NOS1: variants seen among roughly 807,000 people sequenced by gnomAD.
The protein encoded by NOS1 is nitric oxide synthase 1, also known as NOS type I.
A neutral mutation model predicts 164.5 loss-of-function variants in NOS1; 51 were observed. The observed-to-expected ratio is 0.31, with a 90% CI of 0.25 to 0.39. The LOEUF is 0.39. Among genes scored for constraint, NOS1 ranks in the 10% least tolerant of loss-of-function variants. The pLI is 1.00. For missense variants in NOS1, 1,362 were observed against 1,885.6 expected, an observed-to-expected ratio of 0.72 and a Z score of 5.14; for synonymous variants, 719 against 745.8, an observed-to-expected ratio of 0.96 and a Z score of 0.59.
rs191244395 is a variant in NOS1, at chr12:117,357,593, A to G, written c.-421+3919T>C. ...GCCTCTTCTGGGCCTCAGTTTCCCA[A>G]TTTGTACAACGAGGGTGACAGACAA... is the stretch of plus-strand genomic sequence containing the variant. On this transcript the variant is annotated intron_variant, in intron 1 of 28. Transcript: ENST00000317775. Among the ~76,000 whole-genome samples, 852 of 152,212 alleles carry G rather than the reference A, an allele frequency of 5.6e-3. 8 individuals carry two copies. Among genetic ancestry groups the G allele is most frequent in the African/African-American group, 0.019 (807 of 41,530 alleles).
intron 1 of NOS1, among the ~76,000 whole-genome samples, chr12:117,340,231 C>T (rs868016908): frequency 1.3e-5 from 2 of 152,064 alleles, no homozygotes; most frequent in Admixed American, 1.3e-4. Context: ...CTCAAACTCC[C>T]GGCCTCAAGC....
chr12:117,329,374 T>C (rs765548862), intron 2 of NOS1, among the ~76,000 whole-genome samples: 3 of 152,196 alleles, frequency 2.0e-5, no homozygotes, highest in Non-Finnish European at 4.4e-5. Flanking sequence ...GATCTCTAAG[T>C]GCTCTGAGGA....
At chr12:117,303,770 G>A (rs1307913714) in intron 3 of NOS1, among the ~76,000 whole-genome samples, 1 of 152,188 alleles carries the variant, frequency 6.6e-6, no homozygotes, top group East Asian at 1.9e-4. Flanking sequence ...AAGGCAAGAA[G>A]GGCTTGATTT....
Position 117,215,231 on chromosome 12 carries a change from A to G in NOS1, c.*78T>C, listed in dbSNP as rs1441579693. ...GGACAGGAGGCAGAGCGAGGGCCACAGGGGGTCCCAGAGGAAAGGTTCAGC... is the reference window on the plus strand; with the variant it reads ...GGACAGGAGGCAGAGCGAGGGCCACGGGGGGTCCCAGAGGAAAGGTTCAGC... On this transcript the variant is annotated 3_prime_UTR_variant, in exon 29 of 29. Coordinates refer to ENST00000317775, the MANE Select transcript of NOS1 (RefSeq NM_000620.5). The G allele has an allele frequency of 1.4e-6, 2 of 1,421,660 alleles. No individual in the cohort carries two copies. Among genetic ancestry groups the G allele is most frequent in the East Asian group, 5.1e-5 (2 of 39,180 alleles). The allele number at this position is 1,421,660 out of a possible 1,614,324, so 88.1% of individuals were successfully genotyped here.
In NOS1 at chr12:117,213,910, G is replaced by A; in HGVS notation, c.*1399C>T. 1.0e-6 allele frequency: 1 copy of A among 985,410 alleles called. No individual in the cohort carries two copies. Among genetic ancestry groups the A allele is most frequent in the Non-Finnish European group, 1.2e-6 (1 of 829,932 alleles). 61.0% of individuals were successfully genotyped at this position (985,410 alleles called of 1,614,324 possible). On this transcript the variant is annotated 3_prime_UTR_variant, in exon 29 of 29. Transcript: ENST00000317775. ...TAAATTCAACAGGTTGCCTCTTAGGGAGGAATTACACCGGCTCCAATTCCT... is the reference window on the plus strand; with the variant it reads ...TAAATTCAACAGGTTGCCTCTTAGGAAGGAATTACACCGGCTCCAATTCCT...
At chr12:117,351,041 G>A (rs1876591613) in intron 1 of NOS1, among the ~76,000 whole-genome samples, 2 of 152,174 alleles carry the variant, frequency 1.3e-5, no homozygotes, top group South Asian at 2.1e-4. Flanking sequence ...GTGAACCCGG[G>A]AGGCGGAGCT....
Position 117,243,818 on chromosome 12 carries a change from A to G in NOS1, c.2824-383T>C, listed in dbSNP as rs903431812. 6.7e-6 allele frequency among the ~76,000 whole-genome samples: 1 copy of G among 148,274 alleles called. No homozygotes were observed. The highest frequency in any genetic ancestry group is 2.5e-5 in the African/African-American group (1 of 39,744). ...CATCCATCCTTCCCTCCATCTACCC[A>G]CCCACTCATCCATCTTTCCATGCAT... is the stretch of plus-strand genomic sequence containing the variant. On this transcript the variant is annotated intron_variant, in intron 18 of 28. Transcript: ENST00000317775. The surrounding 1 kb of genome is among the most constrained non-coding windows in gnomAD (Gnocchi z 4.3).
intron 21 of NOS1, among the ~76,000 whole-genome samples, chr12:117,233,680 C>T (rs760519973): frequency 1.2e-4 from 18 of 151,680 alleles, no homozygotes; most frequent in South Asian, 2.1e-4. Context: ...TGGTGGCACG[C>T]GCCTGTAATC....
chr12:117,333,869 C>T (rs992883781), intron 1 of NOS1, among the ~76,000 whole-genome samples: 1 of 152,154 alleles, frequency 6.6e-6, no homozygotes, highest in Non-Finnish European at 1.5e-5. Context: ...AGCCCCATGT[C>T]CTGCAGGTAC....
chr12:117,228,228 G>A (rs577557234), intron 22 of NOS1, among the ~76,000 whole-genome samples: 1 of 152,298 alleles, frequency 6.6e-6, no homozygotes, highest in South Asian at 2.1e-4. Flanking sequence ...AGGTATTACT[G>A]TTTCCCCATT....
At chr12:117,248,532 T>G (rs1454455312) in intron 17 of NOS1, among the ~76,000 whole-genome samples, 7 of 151,536 alleles carry the variant, frequency 4.6e-5, no homozygotes, top group Admixed American at 2.6e-4. Context: ...GAACTCATCA[T>G]TTTTTATGGC....
chr12:117,268,259 C>A lies in NOS1; in HGVS notation c.1840-115G>T. On this transcript the variant is annotated intron_variant, in intron 10 of 28. Coordinates refer to ENST00000317775, the MANE Select transcript of NOS1 (RefSeq NM_000620.5). ...TCTTTTCTTTTTTTTTAAATGGACT[C>A]TCGCTCTGTCGCACAGGCTGGAGTG... 5.5e-6 allele frequency: 4 copies of A among 722,630 alleles called. No homozygotes were observed. The South Asian group carries it at 6.2e-5, about 11-fold the overall frequency. 44.8% of individuals were successfully genotyped at this position (722,630 alleles called of 1,614,324 possible).
At chr12:117,316,357 A>G (rs1874666551) in intron 2 of NOS1, among the ~76,000 whole-genome samples, 1 of 151,970 alleles carries the variant, frequency 6.6e-6, no homozygotes, top group African/African-American at 2.4e-5. Context: ...CCTACCTCCT[A>G]TCATTCTTGG....
chr12:117,352,283 C>T (rs1378472182), intron 1 of NOS1, among the ~76,000 whole-genome samples: 1 of 152,148 alleles, frequency 6.6e-6, no homozygotes, highest in Non-Finnish European at 1.5e-5. Context: ...GAGGCGTGGG[C>T]CTGGGGGAAA....
chr12:117,311,717 A>G, intron 2 of NOS1, 125 bp from the exon 3 acceptor site: 1 of 1,070,522 alleles, frequency 9.3e-7, no homozygotes, highest in East Asian at 2.7e-5. Context: ...CATATGAGCC[A>G]GCGAGCTTTG....
chr12:117,212,133 G>A lies in NOS1; in HGVS notation c.*3176C>T, dbSNP rs1374879497. ...TTTTGCTTATCTCTGCAAACTGCCCGGTGCCTTCCACACACTGGAGAAGCA... is the reference window on the plus strand; with the variant it reads ...TTTTGCTTATCTCTGCAAACTGCCCAGTGCCTTCCACACACTGGAGAAGCA... On this transcript the variant is annotated 3_prime_UTR_variant, in exon 29 of 29. Coordinates refer to ENST00000317775, the MANE Select transcript of NOS1 (RefSeq NM_000620.5). The A allele has an allele frequency of 5.1e-6, 5 of 985,128 alleles. No homozygotes were observed. Among genetic ancestry groups the A allele is most frequent in the Non-Finnish European group, 2.4e-6 (2 of 829,920 alleles). The allele number at this position is 985,128 out of a possible 1,614,324, so 61.0% of individuals were successfully genotyped here. A position where few individuals can be genotyped will look rare whatever the true frequency, so the allele number is the denominator to read the frequency against.
Position 117,234,361 on chromosome 12 carries a change from C to A in NOS1, c.3235+204G>T, listed in dbSNP as rs2135943162. On this transcript the variant is annotated intron_variant, in intron 21 of 28. Coordinates refer to ENST00000317775, the MANE Select transcript of NOS1 (RefSeq NM_000620.5). The surrounding 1 kb of genome is among the most constrained non-coding windows in gnomAD (Gnocchi z 4.3). ...ATGGTGAGCCATCAATGGCCTGGCA[C>A]TATGTGCATTTATTTGCTCAGCTGG... Among the ~76,000 whole-genome samples the A allele has an allele frequency of 6.6e-6, 1 of 152,292 alleles. No homozygotes were observed. Among genetic ancestry groups the A allele is most frequent in the East Asian group, 1.9e-4 (1 of 5,186 alleles).
At chr12:117,237,677 G>GA (rs11411313) in intron 20 of NOS1, among the ~76,000 whole-genome samples, 17,603 of 147,682 alleles carry the variant, frequency 0.12, 1,364 homozygotes, top group Admixed American at 0.29. Context: ...GCATTAAATG[G>GA]AAAAAAAAAA....
At chr12:117,290,189 C>T in intron 4 of NOS1, 109 bp downstream of exon 4, 1 of 1,373,710 alleles carries the variant, frequency 7.3e-7, no homozygotes. Context: ...GGGTGGTGCT[C>T]AACACCCTAC....
Sources: allele counts gnomAD v4.1 joint callset (sites outside exome capture counted in the v4.1 genomes callset), GRCh38; gene constraint gnomAD v4.1.1; non-coding constraint Gnocchi (gnomAD v3.1); transcripts MANE v1.5; gene names NCBI Gene and HGNC (gene_info 2026-07-23, HGNC 2026-07-21).